The following ACTR3 variants were observed in gnomAD, a reference collection of about 807,000 sequenced individuals.
ACTR3 encodes actin-related protein 3.
Under a neutral mutation model 56.8 loss-of-function variants are expected in ACTR3, and 12 were observed. That is an observed-to-expected ratio of 0.21 (90% CI 0.14 to 0.34). The LOEUF is 0.34. Among genes scored for constraint, ACTR3 ranks in the 10% least tolerant of loss-of-function variants. The pLI, the probability that ACTR3 is intolerant of heterozygous loss-of-function variation, is 1.00. For missense variants in ACTR3, 282 were observed against 512.5 expected, an observed-to-expected ratio of 0.55 and a Z score of 4.34; for synonymous variants, 162 against 167.4, an observed-to-expected ratio of 0.97 and a Z score of 0.25.
At chr2:113,938,202 T>C (rs563174492) in intron 6 of ACTR3, among the ~76,000 whole-genome samples, 41 of 152,272 alleles carry the variant, frequency 2.7e-4, no homozygotes, top group African/African-American at 9.6e-4. Flanking sequence ...TTTGGGTCTT[T>C]TTATATCTTC....
chr2:113,947,509 G>A lies in ACTR3; in HGVS notation c.859-3970G>A, dbSNP rs118048566. Among the ~76,000 whole-genome samples the A allele has an allele frequency of 2.3e-4, 35 of 152,238 alleles. No homozygotes were observed. In the East Asian group the frequency reaches 6.8e-3, roughly 29 times the overall value. ...TCTACCAAAAAAATACAAAAAATTAGCCAGGCATGTGGCGTGTGCCTGTAG... is the reference window on the plus strand; with the variant it reads ...TCTACCAAAAAAATACAAAAAATTAACCAGGCATGTGGCGTGTGCCTGTAG... On this transcript the variant is annotated intron_variant, in intron 8 of 11. Transcript: ENST00000263238.
intron 5 of ACTR3, among the ~76,000 whole-genome samples, chr2:113,931,649 A>G (rs1261338338): frequency 2.6e-5 from 4 of 152,158 alleles, no homozygotes; most frequent in African/African-American, 9.7e-5. Context: ...TAGGACAGAA[A>G]TGAAGGAACT....
At chr2:113,895,072 C>T (rs1678982024) in intron 1 of ACTR3, among the ~76,000 whole-genome samples, 2 of 123,532 alleles carry the variant, frequency 1.6e-5, no homozygotes, top group Non-Finnish European at 3.3e-5. Context: ...CCCCCCCCAC[C>T]CCCCTGCCGA....
intron 1 of ACTR3, 52 bp downstream of exon 1, chr2:113,890,375 TGGC>T: frequency 3.7e-6 from 1 of 272,302 alleles, no homozygotes; most frequent in South Asian, 5.5e-5. Flanking sequence ...GGAAGGAAGA[TGGC>T]GGGGGAGGGA....
At chr2:113,901,165 AAAATTAGCTGGG>A (rs901849109) in intron 1 of ACTR3, among the ~76,000 whole-genome samples, 1 of 152,290 alleles carries the variant, frequency 6.6e-6, no homozygotes, top group African/African-American at 2.4e-5. Flanking sequence ...CTAAAAACAC[AAAATTAGCTGGG>A]CGTGGTGGCG....
chr2:113,900,559 A>C (rs2104582754), intron 1 of ACTR3, among the ~76,000 whole-genome samples: 1 of 152,350 alleles, frequency 6.6e-6, no homozygotes, highest in Non-Finnish European at 1.5e-5. Flanking sequence ...AAGGAAAATC[A>C]TCTTGGGAAG....
chr2:113,908,973 T>C (rs1001896909), intron 1 of ACTR3, among the ~76,000 whole-genome samples: 1 of 152,180 alleles, frequency 6.6e-6, no homozygotes, highest in Non-Finnish European at 1.5e-5. Context: ...CTCATATTTT[T>C]TAAGAATTGG....
rs1559480044 is a variant in ACTR3 at position 113,934,239 on chromosome 2, T to TG, written c.433-40_433-39insG. On this transcript the variant is annotated intron_variant, in intron 5 of 11. Transcript: ENST00000263238. ...TTAACTCTTTGTTTTTTTGTTTTTT[T>TG]TTTTTGTTTTTTTGCCTTTCTTCTT... 2.9e-6 allele frequency: 4 copies of TG among 1,358,588 alleles called. No homozygotes were observed. The African/African-American group carries it at 4.5e-5, about 15-fold the overall frequency. 84.2% of individuals were successfully genotyped at this position (1,358,588 alleles called of 1,614,324 possible).
intron 8 of ACTR3, among the ~76,000 whole-genome samples, chr2:113,949,175 C>T (rs887423448): frequency 1.7e-4 from 25 of 150,524 alleles, no homozygotes; most frequent in African/African-American, 6.1e-4. Flanking sequence ...GTCAGGAGTT[C>T]GAGATCAGCC....
intron 1 of ACTR3, 118 bp downstream of exon 1, chr2:113,890,441 T>G: frequency 1.5e-6 from 2 of 1,300,128 alleles, no homozygotes; most frequent in Non-Finnish European, 2.0e-6. Context: ...CTGTCAGTCC[T>G]AGACCCGCCG....
At chr2:113,890,558 C>T (rs1678868092) in intron 1 of ACTR3, 1 of 1,371,442 alleles carries the variant, frequency 7.3e-7, no homozygotes, top group Non-Finnish European at 9.4e-7. Context: ...CCAACCCTCC[C>T]AGCGGCTTTC....
At chr2:113,911,835 C>A (rs1679311814) in intron 1 of ACTR3, among the ~76,000 whole-genome samples, 1 of 152,002 alleles carries the variant, frequency 6.6e-6, no homozygotes. Context: ...CTCCTAAGTT[C>A]AAGCGATTCT....
At chr2:113,890,828 G>T in intron 1 of ACTR3, 1 of 986,132 alleles carries the variant, frequency 1.0e-6, no homozygotes, top group Non-Finnish European at 1.2e-6. Context: ...GGTGTGGGTG[G>T]GGAAAGGGAA....
At chr2:113,894,091 T>G (rs1678958502) in intron 1 of ACTR3, among the ~76,000 whole-genome samples, 2 of 151,050 alleles carry the variant, frequency 1.3e-5, no homozygotes, top group African/African-American at 4.9e-5. Context: ...ATAATGCTGT[T>G]TCTTTTTTTT....
At chr2:113,922,227 G>A (rs1485945575) in intron 3 of ACTR3, among the ~76,000 whole-genome samples, 1 of 152,236 alleles carries the variant, frequency 6.6e-6, no homozygotes, top group Non-Finnish European at 1.5e-5. Flanking sequence ...TCAACGTTAA[G>A]ATGGAAGACA....
At chr2:113,902,250 A>C (rs779600366) in intron 1 of ACTR3, among the ~76,000 whole-genome samples, 4 of 151,734 alleles carry the variant, frequency 2.6e-5, no homozygotes, top group Non-Finnish European at 5.9e-5. Context: ...CTCCTCTCTC[A>C]CCTAGCCTTC....
chr2:113,890,072 A>ACTGC (rs74423392), upstream of ACTR3: 31,470 of 609,202 alleles, frequency 0.052, 945 homozygotes, highest in Non-Finnish European at 0.07. Context: ...CAGGGCGGGG[A>ACTGC]CTGCCTGCCT....
intron 1 of ACTR3, among the ~76,000 whole-genome samples, chr2:113,898,136 G>T (rs893185417): frequency 6.6e-6 from 1 of 151,922 alleles, no homozygotes; most frequent in Non-Finnish European, 1.5e-5. Flanking sequence ...TGTATGACAG[G>T]ACACAAGTGT....
chr2:113,894,367 A>G (rs936803384), intron 1 of ACTR3, among the ~76,000 whole-genome samples: 2 of 152,228 alleles, frequency 1.3e-5, no homozygotes, highest in Non-Finnish European at 2.9e-5. Context: ...TGCTGGGATT[A>G]CAGACATGAG....
Sources: gnomAD v4.1 joint callset for allele counts (sites outside exome capture counted in the v4.1 genomes callset) on GRCh38, gnomAD v4.1.1 for gene constraint, MANE v1.5 for transcripts, NCBI Gene and HGNC (gene_info 2026-07-23, HGNC 2026-07-21) for gene names.